DSCAM: variants seen among roughly 807,000 people sequenced by gnomAD.
DSCAM encodes the protein cell adhesion molecule DSCAM.
In DSCAM, 47 loss-of-function variants were observed where a neutral mutation model predicts 217.7. The observed-to-expected ratio is 0.22, with a 90% CI of 0.17 to 0.28. The LOEUF is 0.28. DSCAM is among the 10% of genes least tolerant of loss of function. DSCAM has a pLI of 1.00. For missense variants in DSCAM, 2,080 were observed against 2,618.3 expected, an observed-to-expected ratio of 0.79 and a Z score of 4.49; for synonymous variants, 1,056 against 1,015.3, an observed-to-expected ratio of 1.04 and a Z score of -0.76.
At position 40,846,662 on chromosome 21, in the gene DSCAM, G is replaced by T; in HGVS notation, c.-1C>A. On this transcript the variant is annotated 5_prime_UTR_variant, in exon 1 of 33. Coordinates refer to ENST00000400454, the MANE Select transcript of DSCAM (RefSeq NM_001389.5). ...ACAAGGAGAGAGCCAGTATCCACAT[G>T]CCCCTGCCGCTCCCCGGCCTCCCGC... The T allele has an allele frequency of 8.2e-7, 1 of 1,217,498 alleles. No homozygotes were observed. The allele number at this position is 1,217,498 out of a possible 1,614,324, so 75.4% of individuals were successfully genotyped here. A position where few individuals can be genotyped will look rare whatever the true frequency, so the allele number is the denominator to read the frequency against.
At chr21:40,123,321 A>T (rs1027392233) in intron 20 of DSCAM, among the ~76,000 whole-genome samples, 3 of 152,246 alleles carry the variant, frequency 2.0e-5, no homozygotes, top group African/African-American at 7.2e-5. Flanking sequence ...GAAAGGAAAC[A>T]AAACCAGTGT....
In DSCAM at chr21:40,015,182, T is replaced by C. The variant is rs77961616; in HGVS notation, c.5687-1796A>G. 8.1e-3 allele frequency among the ~76,000 whole-genome samples: 1,239 copies of C among 152,316 alleles called. 14 individuals are homozygous for C. Among genetic ancestry groups the C allele is most frequent in the African/African-American group, 0.027 (1,113 of 41,572 alleles). On this transcript the variant is annotated intron_variant, in intron 32 of 32. Coordinates refer to ENST00000400454, the MANE Select transcript of DSCAM (RefSeq NM_001389.5). ...TCTCCTGAGCCCTAGATGTGAATTT[T>C]AGGTGCTTTGCTAGGCATTTCCACA...
Position 40,012,890 on chromosome 21 carries a change from T to G in DSCAM, c.*144A>C. The G allele has an allele frequency of 1.0e-5, 6 of 588,798 alleles. No homozygotes were observed. The highest frequency in any genetic ancestry group is 1.3e-5 in the Non-Finnish European group (5 of 391,006). The allele number at this position is 588,798 out of a possible 1,614,324, so 36.5% of individuals were successfully genotyped here. A position where few individuals can be genotyped will look rare whatever the true frequency, so the allele number is the denominator to read the frequency against. ...AGCAGGAGAGTCTTTGCACTGTCTGTGGTTTCAGTATTTTCTCTTTTTTTT... is the reference window on the plus strand; with the variant it reads ...AGCAGGAGAGTCTTTGCACTGTCTGGGGTTTCAGTATTTTCTCTTTTTTTT... On this transcript the variant is annotated 3_prime_UTR_variant, in exon 33 of 33. Transcript: ENST00000400454.
chr21:40,535,729 A>G (rs1202964152), intron 3 of DSCAM, among the ~76,000 whole-genome samples: 1 of 152,216 alleles, frequency 6.6e-6, no homozygotes, highest in Non-Finnish European at 1.5e-5. Context: ...AGATAAATAC[A>G]TAACATGCTA....
intron 3 of DSCAM, among the ~76,000 whole-genome samples, chr21:40,583,222 G>A (rs765467788): frequency 3.3e-5 from 5 of 152,148 alleles, no homozygotes; most frequent in Non-Finnish European, 5.9e-5. Flanking sequence ...CAACGCAAAG[G>A]TTACCAGGGG....
intron 10 of DSCAM, among the ~76,000 whole-genome samples, chr21:40,276,628 T>G (rs1168031190): frequency 6.6e-6 from 1 of 152,148 alleles, no homozygotes; most frequent in Non-Finnish European, 1.5e-5. Context: ...CTAAATAAAT[T>G]CCTTGTGTTC....
At chr21:40,371,849 T>C (rs545398459) in intron 3 of DSCAM, among the ~76,000 whole-genome samples, 1 of 152,168 alleles carries the variant, frequency 6.6e-6, no homozygotes, top group Non-Finnish European at 1.5e-5. Context: ...CAATTATTTA[T>C]TTCCTGCTGC....
chr21:40,180,533 C>A (rs1277817357), intron 14 of DSCAM, among the ~76,000 whole-genome samples: 1 of 152,084 alleles, frequency 6.6e-6, no homozygotes, highest in Non-Finnish European at 1.5e-5. Flanking sequence ...AATTTTATAT[C>A]AATGAAACGG....
chr21:40,527,184 A>G (rs1385127586), intron 3 of DSCAM, among the ~76,000 whole-genome samples: 1 of 152,162 alleles, frequency 6.6e-6, no homozygotes, highest in Non-Finnish European at 1.5e-5. Context: ...TTCCAGCCAC[A>G]CTGCCTTCAG....
intron 3 of DSCAM, among the ~76,000 whole-genome samples, chr21:40,370,994 A>G (rs1346980231): frequency 6.6e-6 from 1 of 152,208 alleles, no homozygotes; most frequent in Non-Finnish European, 1.5e-5. Context: ...TCCAAAGAAC[A>G]CAGATGTGAA....
In DSCAM at chr21:40,261,767, A is replaced by G. The variant is rs564624782; in HGVS notation, c.2356+14330T>C. On this transcript the variant is annotated intron_variant, in intron 11 of 32. Transcript: ENST00000400454. ...CTAATAAATAGCACTATCTCTCTAT[A>G]TGTCTTATTGGCTTTGTTACTCTGG... 4.3e-4 allele frequency among the ~76,000 whole-genome samples: 65 copies of G among 152,232 alleles called. 1 individual carries two copies. The South Asian group carries it at 8.7e-3, about 20-fold the overall frequency.
At chr21:40,206,971 G>C (rs1289296451) in intron 11 of DSCAM, among the ~76,000 whole-genome samples, 1 of 152,122 alleles carries the variant, frequency 6.6e-6, no homozygotes, top group Non-Finnish European at 1.5e-5. Context: ...TTCAAGAAAA[G>C]AAAGACATTG....
intron 1 of DSCAM, among the ~76,000 whole-genome samples, chr21:40,772,725 A>G (rs1320052348): frequency 2.6e-5 from 4 of 152,202 alleles, no homozygotes; most frequent in Non-Finnish European, 5.9e-5. Flanking sequence ...AATGGTGGGC[A>G]TCTGCTGTGC....
At chr21:40,843,449 A>T (rs924286102) in intron 1 of DSCAM, among the ~76,000 whole-genome samples, 3 of 151,996 alleles carry the variant, frequency 2.0e-5, no homozygotes, top group African/African-American at 7.2e-5. Flanking sequence ...ACTATATTAC[A>T]TATAATAAAT....
At chr21:40,192,656 G>A (rs1030562389) in intron 11 of DSCAM, among the ~76,000 whole-genome samples, 2 of 152,062 alleles carry the variant, frequency 1.3e-5, no homozygotes, top group African/African-American at 2.4e-5. Flanking sequence ...TTTATAAATG[G>A]AATCATATAG....
intron 1 of DSCAM, among the ~76,000 whole-genome samples, chr21:40,795,201 A>C (rs1356282103): frequency 6.6e-6 from 1 of 152,220 alleles, no homozygotes; most frequent in Non-Finnish European, 1.5e-5. Context: ...CTGGACTGAT[A>C]ATCTTCAGAG....
intron 3 of DSCAM, among the ~76,000 whole-genome samples, chr21:40,620,078 A>AGAGAAAAAAG (rs2089466869): frequency 1.2e-5 from 1 of 86,676 alleles, no homozygotes; most frequent in African/African-American, 4.6e-5. Flanking sequence ...AGAGAAAGAG[A>AGAGAAAAAAG]AAAAAGAAAG....
chr21:40,773,166 G>A (rs1198717671), intron 1 of DSCAM, among the ~76,000 whole-genome samples: 2 of 152,322 alleles, frequency 1.3e-5, no homozygotes, highest in Middle Eastern at 3.4e-3. Context: ...CCTCGCACGA[G>A]AACCCCCTTC....
chr21:40,444,844 T>C (rs985691284), intron 3 of DSCAM, among the ~76,000 whole-genome samples: 14 of 152,208 alleles, frequency 9.2e-5, no homozygotes, highest in African/African-American at 3.4e-4. Context: ...TGGATGATGC[T>C]GTCTACCTCC....
Sources: gnomAD v4.1 joint callset for allele counts (sites outside exome capture counted in the v4.1 genomes callset) on GRCh38, gnomAD v4.1.1 for gene constraint, MANE v1.5 for transcripts, NCBI Gene and HGNC (gene_info 2026-07-23, HGNC 2026-07-21) for gene names.